PRDM2: variants seen among roughly 807,000 people sequenced by gnomAD.
PRDM2 encodes the protein PR domain zinc finger protein 2.
PRDM2 carries 30 observed loss-of-function variants against 130.0 expected under a neutral mutation model. That is an observed-to-expected ratio of 0.23 (90% CI 0.17 to 0.31). The LOEUF is 0.31. Among genes scored for constraint, PRDM2 ranks in the 10% least tolerant of loss-of-function variants. The probability of loss-of-function intolerance (pLI) is 1.00; values close to 1 mark genes in which losing one functional copy is unlikely to be tolerated. For missense variants in PRDM2, 2,011 were observed against 2,108.4 expected (o/e 0.95, Z 0.90); for synonymous variants, 871 against 782.4 (o/e 1.11, Z -1.89).
At chr1:13,767,686 A>C (rs529748297) in intron 6 of PRDM2, among the ~76,000 whole-genome samples, 10 of 152,124 alleles carry the variant, frequency 6.6e-5, no homozygotes, top group Non-Finnish European at 1.2e-4. Context: ...TTGTAAAGTA[A>C]GGTATGCTGC....
Position 13,821,430 on chromosome 1 carries a change from ACATT to A in PRDM2, c.*24-1728_*24-1725del, listed in dbSNP as rs757165311. Among the ~76,000 whole-genome samples, 1,198 of 142,282 alleles carry A rather than the reference ACATT, an allele frequency of 8.4e-3. 10 individuals are homozygous for A. Among genetic ancestry groups the A allele is most frequent in the South Asian group, 0.034 (150 of 4,416 alleles). 93.3% of individuals were successfully genotyped at this position (142,282 alleles called of 152,430 possible). On this transcript the variant is annotated intron_variant, in intron 9 of 9. Coordinates refer to ENST00000311066, the MANE Select transcript of PRDM2 (RefSeq NM_001393986.1). ...AGCCCAATTCAACCCAATGCAGTGA[ACATT>A]TATTTATTTATTTATTTATTTATTT... is the stretch of plus-strand genomic sequence containing the variant.
chr1:13,803,764 A>G lies in PRDM2; in HGVS notation c.5037-12663A>G, dbSNP rs1645045432. The stretch of plus-strand genomic sequence containing the variant: ...CAGGCCAGGCCGGGCCAGCCTCCCT[A>G]TCAACTGGGTCATGTGTTACGAGCT... On this transcript the variant is annotated intron_variant, in intron 8 of 9. Coordinates refer to ENST00000311066, the MANE Select transcript of PRDM2 (RefSeq NM_001393986.1). This position sits in a 1 kb window ranked among gnomAD's most constrained non-coding sequence, Gnocchi z 6.2. Among the ~76,000 whole-genome samples the G allele has an allele frequency of 6.6e-6, 1 of 152,218 alleles. No individual in the cohort carries two copies. Among genetic ancestry groups the G allele is most frequent in the South Asian group, 2.1e-4 (1 of 4,826 alleles).
intron 7 of PRDM2, among the ~76,000 whole-genome samples, chr1:13,776,460 A>G (rs1644478126): frequency 6.6e-6 from 1 of 152,186 alleles, no homozygotes; most frequent in Admixed American, 6.5e-5. Flanking sequence ...CCGCGATTAC[A>G]GCTTCCGTCT....
intron 9 of PRDM2, among the ~76,000 whole-genome samples, chr1:13,821,163 TTAA>T (rs113961715): frequency 6.6e-6 from 1 of 151,854 alleles, no homozygotes; most frequent in Non-Finnish European, 1.5e-5. Context: ...GCGAAATGGG[TTAA>T]TAATAATAAT....
chr1:13,782,337 C>T lies in PRDM2; in HGVS notation c.4542C>T (p.Arg1514=). ...ACAAAAACAGTAACAGCAACCACCG[C>T]AGACGGACAGCGGATGCGGAGATTA... ...SSDKNSNSNH[R]RRTADAEIKM... The change falls in exon 8 of 10, where the codon CGC becomes CGT. Residue 1514 remains arginine, a synonymous_variant. Coordinates refer to ENST00000311066, the MANE Select transcript of PRDM2 (RefSeq NM_001393986.1). 1 of 1,614,132 alleles carries T rather than the reference C, an allele frequency of 6.2e-7. No individual in the cohort carries two copies. The highest frequency in any genetic ancestry group is 1.1e-5 in the South Asian group (1 of 91,076).
At chr1:13,767,063 G>A (rs1644243575) in intron 6 of PRDM2, among the ~76,000 whole-genome samples, 1 of 152,094 alleles carries the variant, frequency 6.6e-6, no homozygotes, top group South Asian at 2.1e-4. Context: ...AGGCATCAGT[G>A]GTATAATGCT....
chr1:13,767,729 C>A (rs768672161), intron 6 of PRDM2, among the ~76,000 whole-genome samples: 1 of 152,130 alleles, frequency 6.6e-6, no homozygotes, highest in Non-Finnish European at 1.5e-5. Context: ...AATCCCAGCA[C>A]TTTTGAGAGG....
At chr1:13,754,596 A>G (rs1211713939) in intron 6 of PRDM2, among the ~76,000 whole-genome samples, 1 of 152,248 alleles carries the variant, frequency 6.6e-6, no homozygotes, top group Non-Finnish European at 1.5e-5. Context: ...AACTTAGAGA[A>G]TACATTTAAT....
intron 2 of PRDM2, among the ~76,000 whole-genome samples, chr1:13,720,425 A>G (rs1455384166): frequency 6.6e-6 from 1 of 152,086 alleles, no homozygotes; most frequent in Non-Finnish European, 1.5e-5. Context: ...AGGAGGGTGG[A>G]GTAAATGGTC....
At chr1:13,792,843 C>T (rs1183911983) in intron 8 of PRDM2, among the ~76,000 whole-genome samples, 13 of 152,316 alleles carry the variant, frequency 8.5e-5, no homozygotes, top group Middle Eastern at 3.4e-3. Flanking sequence ...CCACATCTGA[C>T]GGAGATGGTA....
Position 13,780,406 on chromosome 1 carries a change from G to C in PRDM2, c.2611G>C (p.Val871Leu). 4 of 1,614,188 alleles carry C rather than the reference G, an allele frequency of 2.5e-6. No homozygotes were observed. Among genetic ancestry groups the C allele is most frequent in the Non-Finnish European group, 2.5e-6 (3 of 1,180,034 alleles). Reference sequence around the variant, plus strand: ...CAAGGAATTCAAAGAAAGTCATTCAGTGCAGCCTACGTGTAGTGCTGTAAA... The same window carrying C: ...CAAGGAATTCAAAGAAAGTCATTCACTGCAGCCTACGTGTAGTGCTGTAAA... ...EGKEFKESHS[V>L]QPTCSAVKKR... is the part of the protein sequence containing the mutation. Residue 871 changes from valine to leucine, a missense_variant, in exon 8 of 10, where the codon GTG becomes CTG. This residue lies in a region of PRDM2 where 1,288 missense variants were observed against 1,237.7 expected (regional missense o/e 1.04). Coordinates refer to ENST00000311066, the MANE Select transcript of PRDM2 (RefSeq NM_001393986.1).
Position 13,806,681 on chromosome 1 carries a change from G to A in PRDM2, c.5037-9746G>A, listed in dbSNP as rs753760810. 6.6e-6 allele frequency among the ~76,000 whole-genome samples: 1 copy of A among 152,098 alleles called. No homozygotes were observed. The highest frequency in any genetic ancestry group is 1.5e-5 in the Non-Finnish European group (1 of 68,022). On this transcript the variant is annotated intron_variant, in intron 8 of 9. Transcript: ENST00000311066. This position sits in a 1 kb window ranked among gnomAD's most constrained non-coding sequence, Gnocchi z 4.1. ...AGGTCCAGGCCACCATCATCTCCCT[G>A]GATGGTGGCAGTCACCTCCTTGCTG...
intron 8 of PRDM2, among the ~76,000 whole-genome samples, chr1:13,797,603 G>A (rs2281170): frequency 0.41 from 62,640 of 152,096 alleles, 13,756 homozygotes; most frequent in African/African-American, 0.56. Flanking sequence ...AGCATTTTGC[G>A]GTTTGGTTTG....
At chr1:13,770,040 C>T (rs541242364) in intron 6 of PRDM2, among the ~76,000 whole-genome samples, 4 of 152,246 alleles carry the variant, frequency 2.6e-5, no homozygotes, top group South Asian at 4.1e-4. Context: ...GCCCAGATGT[C>T]GTTCATGCTG....
At chr1:13,812,372 G>A (rs918402382) in intron 8 of PRDM2, among the ~76,000 whole-genome samples, 2 of 152,164 alleles carry the variant, frequency 1.3e-5, no homozygotes, top group Non-Finnish European at 1.5e-5. Flanking sequence ...CACACTGCTC[G>A]ATGGTGTGCC....
At chr1:13,777,640 C>T (rs1476026197) in intron 7 of PRDM2, among the ~76,000 whole-genome samples, 2 of 61,702 alleles carry the variant, frequency 3.2e-5, no homozygotes, top group Non-Finnish European at 6.8e-5. Flanking sequence ...CTCCCACCCC[C>T]CCCCCCAATA....
At chr1:13,819,160 C>T (rs1348268912) in intron 9 of PRDM2, among the ~76,000 whole-genome samples, 1 of 152,216 alleles carries the variant, frequency 6.6e-6, no homozygotes, top group South Asian at 2.1e-4. Flanking sequence ...GTGTTCTCTG[C>T]AGCCGGAGGG....
chr1:13,713,291 G>A (rs946734509), intron 1 of PRDM2, among the ~76,000 whole-genome samples: 1 of 152,240 alleles, frequency 6.6e-6, no homozygotes, highest in Admixed American at 6.5e-5. Context: ...CAAGGGCAGT[G>A]CTTGACACAT....
intron 8 of PRDM2, among the ~76,000 whole-genome samples, chr1:13,785,085 A>C (rs576501979): frequency 6.6e-6 from 1 of 152,328 alleles, no homozygotes; most frequent in East Asian, 1.9e-4. Context: ...TAATATGATG[A>C]TTGTCATTAA....
Sources: allele counts gnomAD v4.1 joint callset (sites outside exome capture counted in the v4.1 genomes callset), GRCh38; gene constraint gnomAD v4.1.1; regional missense constraint gnomAD v4.1.1; non-coding constraint Gnocchi (gnomAD v3.1); transcripts MANE v1.5; gene names NCBI Gene and HGNC (gene_info 2026-07-23, HGNC 2026-07-21).